CCDC7: variants seen among roughly 807,000 people sequenced by gnomAD.
The protein encoded by CCDC7 is coiled-coil domain-containing protein 7.
A neutral mutation model predicts 196.9 loss-of-function variants in CCDC7; 183 were observed. That is an observed-to-expected ratio of 0.93 (90% CI 0.82 to 1.05). CCDC7 has a LOEUF of 1.05. Among genes scored for constraint, CCDC7 ranks in the 50% least tolerant of loss-of-function variants. The pLI is 0.00. For missense variants in CCDC7, 1,540 were observed against 1,482.2 expected (o/e 1.04, Z -0.64); for synonymous variants, 525 against 484.6 (o/e 1.08, Z -1.10).
chr10:32,659,247 C>T (rs1434031462), intron 20 of CCDC7, among the ~76,000 whole-genome samples: 1 of 152,038 alleles, frequency 6.6e-6, no homozygotes, highest in Non-Finnish European at 1.5e-5. Flanking sequence ...TTTAGTTTAT[C>T]TTGAGATATT....
chr10:32,774,342 C>T (rs1282953606), intron 28 of CCDC7, among the ~76,000 whole-genome samples: 2 of 151,724 alleles, frequency 1.3e-5, no homozygotes, highest in African/African-American at 4.8e-5. Context: ...CCTCCCTGCA[C>T]TTTAAATGTT....
chr10:32,801,245 TA>T (rs2084725582), intron 29 of CCDC7, among the ~76,000 whole-genome samples: 1 of 152,164 alleles, frequency 6.6e-6, no homozygotes, highest in Non-Finnish European at 1.5e-5. Flanking sequence ...CTGGGATGAG[TA>T]GGTCTAAAGT....
At chr10:32,667,523 A>G (rs923440664) in intron 21 of CCDC7, among the ~76,000 whole-genome samples, 1 of 152,150 alleles carries the variant, frequency 6.6e-6, no homozygotes, top group Non-Finnish European at 1.5e-5. Flanking sequence ...TAAGTCTTTA[A>G]TCCACGTGAA....
At chr10:32,709,732 C>T (rs963343668) in intron 24 of CCDC7, among the ~76,000 whole-genome samples, 1 of 152,170 alleles carries the variant, frequency 6.6e-6, no homozygotes, top group African/African-American at 2.4e-5. Context: ...GGCCTCGGTG[C>T]TGGGGACCCC....
chr10:32,638,523 G>A (rs1402830892), intron 20 of CCDC7, among the ~76,000 whole-genome samples: 2 of 152,114 alleles, frequency 1.3e-5, no homozygotes, highest in African/African-American at 4.8e-5. Context: ...TTTATATGCT[G>A]GATTACATTT....
At chr10:32,810,649 C>G (rs928898259) in intron 30 of CCDC7, among the ~76,000 whole-genome samples, 1 of 152,078 alleles carries the variant, frequency 6.6e-6, no homozygotes, top group Non-Finnish European at 1.5e-5. Context: ...GTTTAAACAT[C>G]AGTTTAAACC....
At chr10:32,456,913 G>A (rs1172348529) in intron 3 of CCDC7, among the ~76,000 whole-genome samples, 2 of 151,962 alleles carry the variant, frequency 1.3e-5, no homozygotes, top group East Asian at 3.9e-4. Context: ...GGTACATAGC[G>A]ATATTTTGAT....
chr10:32,574,335 T>G, intron 16 of CCDC7: 1 of 663,228 alleles, frequency 1.5e-6, no homozygotes, highest in Non-Finnish European at 2.1e-6. Flanking sequence ...ATATATTACA[T>G]ATTATATTAT....
At chr10:32,647,323 A>G (rs1412268167) in intron 20 of CCDC7, among the ~76,000 whole-genome samples, 2 of 152,108 alleles carry the variant, frequency 1.3e-5, no homozygotes, top group South Asian at 2.1e-4. Context: ...CCTGGCCAAC[A>G]TGGTGAAGCC....
rs188751177 is a variant in CCDC7 at position 32,507,888 on chromosome 10, A to C, written c.873-10057A>C. On this transcript the variant is annotated intron_variant, in intron 9 of 41. Coordinates refer to ENST00000639629, the Ensembl canonical transcript of CCDC7. Reference sequence around the variant, plus strand: ...TACAAGGAATTTTCCCCACATAAAAAGGCCATATTAGCCTACAGCTAACAT... The same window carrying C: ...TACAAGGAATTTTCCCCACATAAAACGGCCATATTAGCCTACAGCTAACAT... 6.0e-3 allele frequency among the ~76,000 whole-genome samples: 910 copies of C among 152,330 alleles called. 10 individuals are homozygous for C. Among genetic ancestry groups the C allele is most frequent in the African/African-American group, 0.021 (867 of 41,564 alleles).
chr10:32,596,342 T>C (rs1205695455), intron 18 of CCDC7, among the ~76,000 whole-genome samples: 1 of 152,156 alleles, frequency 6.6e-6, no homozygotes, highest in African/African-American at 2.4e-5. Flanking sequence ...TTTTGTCAGA[T>C]ACTAGGATTG....
chr10:32,574,532 G>A (rs1199845549), intron 16 of CCDC7: 3 of 1,418,666 alleles, frequency 2.1e-6, no homozygotes, highest in Middle Eastern at 2.8e-4. Flanking sequence ...ACATGGTATT[G>A]CTTACAATAA....
chr10:32,796,706 G>GA (rs1268658474), intron 29 of CCDC7, among the ~76,000 whole-genome samples: 4 of 152,018 alleles, frequency 2.6e-5, no homozygotes, highest in African/African-American at 9.7e-5. Flanking sequence ...CACACTTTAT[G>GA]AGATATCTAT....
chr10:32,851,547 A>T (rs2093564462), intron 39 of CCDC7, among the ~76,000 whole-genome samples: 1 of 152,088 alleles, frequency 6.6e-6, no homozygotes, highest in South Asian at 2.1e-4. Context: ...ACATTGTGTA[A>T]TTGTCTGATA....
chr10:32,570,050 A>G (rs1199772599), intron 15 of CCDC7, among the ~76,000 whole-genome samples: 1 of 152,108 alleles, frequency 6.6e-6, no homozygotes, highest in African/African-American at 2.4e-5. Flanking sequence ...CTCTAACTCG[A>G]ATAACACCTA....
At chr10:32,764,555 A>G (rs1220075747) in intron 28 of CCDC7, among the ~76,000 whole-genome samples, 2 of 151,952 alleles carry the variant, frequency 1.3e-5, no homozygotes, top group Non-Finnish European at 2.9e-5. Flanking sequence ...GATGGCCTAT[A>G]CTAAGTGAAG....
At chr10:32,858,768 A>G (rs2093857915) in intron 41 of CCDC7, among the ~76,000 whole-genome samples, 1 of 152,166 alleles carries the variant, frequency 6.6e-6, no homozygotes, top group East Asian at 1.9e-4. Flanking sequence ...CAGGGATTGC[A>G]ATCTTAGTCT....
intron 21 of CCDC7, among the ~76,000 whole-genome samples, chr10:32,684,996 T>C (rs2076301809): frequency 6.6e-6 from 1 of 151,938 alleles, no homozygotes; most frequent in Non-Finnish European, 1.5e-5. Flanking sequence ...CTGAAACTGA[T>C]TCCAAAAGTA....
chr10:32,502,732 TAA>T (rs927862757), intron 9 of CCDC7, among the ~76,000 whole-genome samples: 3 of 152,208 alleles, frequency 2.0e-5, no homozygotes, highest in African/African-American at 7.2e-5. Context: ...ATTGAATCTC[TAA>T]GTTATTTTGG....
Sources: allele counts gnomAD v4.1 joint callset (sites outside exome capture counted in the v4.1 genomes callset), GRCh38; gene constraint gnomAD v4.1.1; transcripts MANE v1.5; gene names NCBI Gene and HGNC (gene_info 2026-07-23, HGNC 2026-07-21).